Variants in TDRD3 observed in about 807,000 individuals in gnomAD.
The protein encoded by TDRD3 is tudor domain-containing protein 3.
Under a neutral mutation model 86.7 loss-of-function variants are expected in TDRD3, and 45 were observed. That is an observed-to-expected ratio of 0.52 (90% CI 0.41 to 0.67). The LOEUF is 0.67. TDRD3 is among the 30% of genes least tolerant of loss of function. TDRD3 has a pLI of 0.00. For synonymous variants in TDRD3, 298 were observed against 301.7 expected (o/e 0.99, Z 0.13); for missense variants, 814 against 889.0 (o/e 0.92, Z 1.07).
At chr13:60,505,716 C>T (rs140453643) in intron 8 of TDRD3, among the ~76,000 whole-genome samples, 8 of 152,124 alleles carry the variant, frequency 5.3e-5, no homozygotes, top group Admixed American at 1.3e-4. Context: ...AAACATAGCA[C>T]GAGAACTTTG....
chr13:60,447,718 C>T (rs1004327464), intron 3 of TDRD3, among the ~76,000 whole-genome samples: 1 of 152,150 alleles, frequency 6.6e-6, no homozygotes, highest in African/African-American at 2.4e-5. Context: ...GCTAAAACCC[C>T]TTCTCTGACT....
chr13:60,519,339 G>A (rs1229015328), intron 10 of TDRD3, among the ~76,000 whole-genome samples: 2 of 152,038 alleles, frequency 1.3e-5, no homozygotes, highest in Non-Finnish European at 2.9e-5. Flanking sequence ...TGACAGATAA[G>A]GAAATAGGTT....
intron 1 of TDRD3, among the ~76,000 whole-genome samples, chr13:60,417,228 T>A (rs936338787): frequency 1.8e-4 from 28 of 152,040 alleles, no homozygotes; most frequent in African/African-American, 5.8e-4. Flanking sequence ...TTGTCCAGGC[T>A]GGTCTGAAAC....
At chr13:60,566,748 T>C (rs1243763487) in intron 12 of TDRD3, among the ~76,000 whole-genome samples, 3 of 152,208 alleles carry the variant, frequency 2.0e-5, no homozygotes, top group African/African-American at 7.2e-5. Context: ...AGTGTGGCTT[T>C]GGCTGTATTT....
At chr13:60,486,318 A>G (rs1310971950) in intron 7 of TDRD3, among the ~76,000 whole-genome samples, 2 of 152,172 alleles carry the variant, frequency 1.3e-5, no homozygotes, top group African/African-American at 4.8e-5. Flanking sequence ...CCTTATTAAT[A>G]GCAACTTATG....
At chr13:60,438,303 A>G (rs1170571171) in intron 1 of TDRD3, among the ~76,000 whole-genome samples, 4 of 152,178 alleles carry the variant, frequency 2.6e-5, no homozygotes, top group Non-Finnish European at 4.4e-5. Context: ...TTTAACCATC[A>G]AAATTGACTG....
Position 60,397,321 on chromosome 13 carries a change from A to AACC in TDRD3, c.-44_-43insACC. On this transcript the variant is annotated 5_prime_UTR_variant, in exon 1 of 14. Transcript: ENST00000377881. ...GTCTCAAGTAGGAGGCCTCCCCATC[A>AACC]CCCCCACCCCAGCCCCCCACCACCC... 2 of 1,113,172 alleles carry AACC rather than the reference A, an allele frequency of 1.8e-6. No homozygotes were observed. Among genetic ancestry groups the AACC allele is most frequent in the Non-Finnish European group, 2.4e-6 (2 of 829,458 alleles). The allele number at this position is 1,113,172 out of a possible 1,614,324, so 69.0% of individuals were successfully genotyped here.
chr13:60,513,771 T>C (rs2137681196), intron 10 of TDRD3, among the ~76,000 whole-genome samples: 1 of 152,356 alleles, frequency 6.6e-6, no homozygotes, highest in East Asian at 1.9e-4. Flanking sequence ...GACTTGCTCC[T>C]CCTTGCCTTC....
In TDRD3 at chr13:60,535,185, T is replaced by C; in HGVS notation, c.2070T>C (p.Tyr690=). 1 of 1,613,936 alleles carries C rather than the reference T, an allele frequency of 6.2e-7. No homozygotes were observed. The highest frequency in any genetic ancestry group is 8.5e-7 in the Non-Finnish European group (1 of 1,179,894). The part of the protein sequence containing the change: ...AVVKFIDYGN[Y]EEVLLSNIKP... The stretch of plus-strand genomic sequence containing the variant: ...TTAAATTCATTGACTACGGAAACTA[T>C]GAAGAGGTGCTACTGAGCAATATCA... The change falls in exon 12 of 14, where the codon TAT becomes TAC. Residue 690 remains tyrosine (Y), a synonymous_variant. Coordinates refer to ENST00000377881, the MANE Select transcript of TDRD3 (RefSeq NM_001146070.2).
At chr13:60,450,943 T>G (rs1955523984) in intron 3 of TDRD3, among the ~76,000 whole-genome samples, 1 of 152,140 alleles carries the variant, frequency 6.6e-6, no homozygotes, top group African/African-American at 2.4e-5. Context: ...GTTATAGCTC[T>G]ACGGTACATA....
intron 2 of TDRD3, 107 bp from the exon 3 acceptor site, chr13:60,444,576 A>G (rs909407412): frequency 1.6e-6 from 1 of 613,148 alleles, no homozygotes; most frequent in African/African-American, 2.0e-5. Flanking sequence ...AGTTAAACTG[A>G]ATTTTTGTTT....
intron 13 of TDRD3, among the ~76,000 whole-genome samples, chr13:60,570,734 A>G (rs1958568648): frequency 6.6e-6 from 1 of 152,228 alleles, no homozygotes; most frequent in Admixed American, 6.5e-5. Flanking sequence ...TAGCAGAGCT[A>G]GAAGTAGAGA....
intron 12 of TDRD3, among the ~76,000 whole-genome samples, chr13:60,553,705 A>C (rs1056414869): frequency 6.6e-6 from 1 of 152,144 alleles, no homozygotes; most frequent in Non-Finnish European, 1.5e-5. Flanking sequence ...TGCTAAAACC[A>C]TCAGCTCTCA....
In TDRD3 at chr13:60,397,400, G is replaced by C. The variant is rs761352240; in HGVS notation, c.36G>C (p.Ala12=). 6.7e-7 allele frequency: 1 copy of C among 1,499,772 alleles called. No individual in the cohort carries two copies. 92.9% of individuals were successfully genotyped at this position (1,499,772 alleles called of 1,614,324 possible). A position where few individuals can be genotyped will look rare whatever the true frequency, so the allele number is the denominator to read the frequency against. Residue 12 remains alanine (A), a synonymous_variant, in exon 1 of 14, where the codon GCG becomes GCC. Coordinates refer to ENST00000377881, the MANE Select transcript of TDRD3 (RefSeq NM_001146070.2). ...TGGCCGGCGCGGCGTTGTCCCAGGC[G>C]GGTTGGTAAGTGGCGAGTCCCGCCG... ...AQVAGAALSQ[A]GWYLSDEGIE... is the part of the protein sequence containing the mutation.
At chr13:60,498,940 G>T (rs1363245758) in intron 8 of TDRD3, among the ~76,000 whole-genome samples, 1 of 152,164 alleles carries the variant, frequency 6.6e-6, no homozygotes, top group Non-Finnish European at 1.5e-5. Context: ...AGTGGGTCCA[G>T]TGGGTACGCG....
At chr13:60,446,898 A>G (rs963949554) in intron 3 of TDRD3, among the ~76,000 whole-genome samples, 1 of 152,180 alleles carries the variant, frequency 6.6e-6, no homozygotes, top group African/African-American at 2.4e-5. Context: ...ATGACTCTAG[A>G]ATCAGTCACT....
chr13:60,483,255 A>C (rs1956356882), intron 5 of TDRD3, among the ~76,000 whole-genome samples: 1 of 152,170 alleles, frequency 6.6e-6, no homozygotes, highest in African/African-American at 2.4e-5. Context: ...CAAAACAGGA[A>C]AATTTAGTAT....
In TDRD3 at chr13:60,468,113, G is replaced by A. The variant is rs142587224; in HGVS notation, c.495+734G>A. On this transcript the variant is annotated intron_variant, in intron 5 of 13. Transcript: ENST00000377881. ...TTTCTTCCTTCAGCATAGTTGAGATGCTTTTATTTCAAATGCCTTAATTTG... is the reference window on the plus strand; with the variant it reads ...TTTCTTCCTTCAGCATAGTTGAGATACTTTTATTTCAAATGCCTTAATTTG... Among the ~76,000 whole-genome samples, 174 of 152,160 alleles carry A rather than the reference G, an allele frequency of 1.1e-3. 1 individual carries two copies. The highest frequency in any genetic ancestry group is 2.2e-3 in the Non-Finnish European group (149 of 67,974).
At chr13:60,464,565 TACAC>T (rs1566212657) in intron 4 of TDRD3, among the ~76,000 whole-genome samples, 7 of 151,934 alleles carry the variant, frequency 4.6e-5, no homozygotes, top group Non-Finnish European at 1.0e-4. Flanking sequence ...TGTGTGTGTA[TACAC>T]ATACACACAC....
Sources: gnomAD v4.1 joint callset for allele counts (sites outside exome capture counted in the v4.1 genomes callset) on GRCh38, gnomAD v4.1.1 for gene constraint, MANE v1.5 for transcripts, NCBI Gene and HGNC (gene_info 2026-07-23, HGNC 2026-07-21) for gene names.